The following GPC5 variants were observed in gnomAD, a reference collection of about 807,000 sequenced individuals.
The protein encoded by GPC5 is glypican-5.
In GPC5, 47 loss-of-function variants were observed where a neutral mutation model predicts 53.9. The ratio of observed to expected loss-of-function variants is 0.87; its 90% CI spans 0.69 to 1.11. The LOEUF (loss-of-function observed/expected upper bound fraction) is 1.11, where lower values mean the gene tolerates loss of function less well. Among genes scored for constraint, GPC5 ranks in the 50% most tolerant of loss-of-function variants. The pLI is 0.00. For synonymous variants in GPC5, 286 were observed against 263.3 expected (o/e 1.09, Z -0.84); for missense variants, 748 against 713.1 (o/e 1.05, Z -0.56).
chr13:92,785,673 A>G (rs1876202832), intron 7 of GPC5, among the ~76,000 whole-genome samples: 1 of 152,208 alleles, frequency 6.6e-6, no homozygotes, highest in Non-Finnish European at 1.5e-5. Flanking sequence ...TGCTTAGTCT[A>G]TGAAAAGGTG....
chr13:92,752,245 C>T (rs958259348), intron 7 of GPC5, among the ~76,000 whole-genome samples: 10 of 152,076 alleles, frequency 6.6e-5, no homozygotes, highest in African/African-American at 2.4e-4. Flanking sequence ...AGATGTCATC[C>T]ACACTGCTTC....
intron 7 of GPC5, among the ~76,000 whole-genome samples, chr13:92,198,943 G>A (rs2042275586): frequency 6.6e-6 from 1 of 152,118 alleles, no homozygotes; most frequent in Middle Eastern, 3.2e-3. Flanking sequence ...CAGATGATAA[G>A]TATTTTTCAT....
chr13:91,544,707 C>G (rs1353241073), intron 2 of GPC5, among the ~76,000 whole-genome samples: 1 of 152,194 alleles, frequency 6.6e-6, no homozygotes, highest in African/African-American at 2.4e-5. Context: ...TTTTCCAACA[C>G]TGTTCTAGTT....
intron 2 of GPC5, among the ~76,000 whole-genome samples, chr13:91,602,355 A>C (rs1334434172): frequency 6.6e-6 from 1 of 152,246 alleles, no homozygotes; most frequent in Non-Finnish European, 1.5e-5. Context: ...TCTTTGCAAG[A>C]TAATAAGCAA....
intron 7 of GPC5, among the ~76,000 whole-genome samples, chr13:92,420,798 C>A (rs915045975): frequency 6.6e-6 from 1 of 152,142 alleles, no homozygotes; most frequent in Non-Finnish European, 1.5e-5. Context: ...CCAGGTCTAT[C>A]CATGTTGTTG....
At chr13:91,504,039 A>G (rs934855735) in intron 2 of GPC5, among the ~76,000 whole-genome samples, 4 of 151,962 alleles carry the variant, frequency 2.6e-5, no homozygotes, top group African/African-American at 9.7e-5. Flanking sequence ...TATGAAATCT[A>G]TTGATAACAT....
intron 2 of GPC5, among the ~76,000 whole-genome samples, chr13:91,648,914 G>C (rs2034628313): frequency 6.6e-6 from 1 of 152,114 alleles, no homozygotes; most frequent in African/African-American, 2.4e-5. Context: ...GGATGGCTGT[G>C]TCCCCACCCA....
At chr13:92,131,077 C>G (rs1363062897) in intron 6 of GPC5, among the ~76,000 whole-genome samples, 1 of 151,668 alleles carries the variant, frequency 6.6e-6, no homozygotes, top group Non-Finnish European at 1.5e-5. Flanking sequence ...ATTTAAAAAC[C>G]TAAAAGCCTA....
rs891434305 is a variant in GPC5 at position 91,614,799 on chromosome 13, C to T, written c.326-78388C>T. On this transcript the variant is annotated intron_variant, in intron 2 of 7. Coordinates refer to ENST00000377067, the MANE Select transcript of GPC5 (RefSeq NM_004466.6). The stretch of plus-strand genomic sequence containing the variant: ...CACCGATGTTTATAATGGCAAATTT[C>T]GAATACTCAAGATATTCCTATCCTT... Among the ~76,000 whole-genome samples, 8 of 152,178 alleles carry T rather than the reference C, an allele frequency of 5.3e-5. No individual in the cohort carries two copies. In the East Asian group the frequency reaches 7.7e-4, roughly 15 times the overall value.
chr13:92,528,225 C>T lies in GPC5; in HGVS notation c.1562-338057C>T, dbSNP rs149089571. On this transcript the variant is annotated intron_variant, in intron 7 of 7. Transcript: ENST00000377067. ...GGAATGCTGTACTAAATCTGCTACC[C>T]GTTATTTCTATTTCTGATTGTCTTA... Among the ~76,000 whole-genome samples, 8 of 152,066 alleles carry T rather than the reference C, an allele frequency of 5.3e-5. No individual in the cohort carries two copies. In the East Asian group the frequency reaches 1.2e-3, roughly 22 times the overall value.
intron 6 of GPC5, among the ~76,000 whole-genome samples, chr13:92,116,473 C>T (rs1594769569): frequency 6.6e-6 from 1 of 152,156 alleles, no homozygotes; most frequent in Admixed American, 6.5e-5. Context: ...GTCATGGCAG[C>T]CATAGCAAAC....
chr13:91,683,510 G>A (rs1370669471), intron 2 of GPC5, among the ~76,000 whole-genome samples: 2 of 152,114 alleles, frequency 1.3e-5, no homozygotes, highest in East Asian at 1.9e-4. Context: ...TGCTCCCCTG[G>A]CAAATCCTCT....
chr13:92,449,404 C>T (rs1382767569), intron 7 of GPC5, among the ~76,000 whole-genome samples: 1 of 152,062 alleles, frequency 6.6e-6, no homozygotes. Flanking sequence ...GCTCTCAACT[C>T]CTAGGGAATC....
chr13:92,117,580 C>T (rs574569513), intron 6 of GPC5, among the ~76,000 whole-genome samples: 3 of 152,100 alleles, frequency 2.0e-5, no homozygotes, highest in Non-Finnish European at 4.4e-5. Flanking sequence ...TGGGAAGAAT[C>T]GACATCTCAA....
At chr13:92,173,088 T>C (rs2042082255) in intron 7 of GPC5, among the ~76,000 whole-genome samples, 1 of 151,782 alleles carries the variant, frequency 6.6e-6, no homozygotes, top group South Asian at 2.1e-4. Context: ...TCAATCAATC[T>C]GTAAGACCAG....
chr13:92,585,220 C>T (rs995902953), intron 7 of GPC5, among the ~76,000 whole-genome samples: 2 of 152,100 alleles, frequency 1.3e-5, no homozygotes, highest in Non-Finnish European at 2.9e-5. Flanking sequence ...TCAACACTAG[C>T]CCATGGAAAC....
intron 5 of GPC5, among the ~76,000 whole-genome samples, chr13:91,906,471 T>C (rs1274241869): frequency 6.6e-6 from 1 of 152,116 alleles, no homozygotes. Context: ...TTCAGTTGTG[T>C]TTATATTACA....
At chr13:92,599,940 A>G (rs1214804577) in intron 7 of GPC5, among the ~76,000 whole-genome samples, 2 of 152,198 alleles carry the variant, frequency 1.3e-5, no homozygotes, top group African/African-American at 2.4e-5. Flanking sequence ...CACTATTTCC[A>G]AAAGGTTTTA....
chr13:91,419,116 T>A (rs963155886), intron 1 of GPC5, among the ~76,000 whole-genome samples: 1 of 152,122 alleles, frequency 6.6e-6, no homozygotes, highest in Non-Finnish European at 1.5e-5. Flanking sequence ...ATACAAGTTA[T>A]AAAACTTCAA....
Sources: allele counts gnomAD v4.1 joint callset (sites outside exome capture counted in the v4.1 genomes callset), GRCh38; gene constraint gnomAD v4.1.1; transcripts MANE v1.5; gene names NCBI Gene and HGNC (gene_info 2026-07-23, HGNC 2026-07-21).